The following DTNB variants were observed in gnomAD, a reference collection of about 807,000 sequenced individuals.
DTNB encodes DTN-B.
Under a neutral mutation model 90.7 loss-of-function variants are expected in DTNB, and 63 were observed. That is an observed-to-expected ratio of 0.69 (90% confidence interval 0.57 to 0.86). The LOEUF (loss-of-function observed/expected upper bound fraction) is 0.86, where lower values mean the gene tolerates loss of function less well. DTNB is among the 40% of genes least tolerant of loss of function. The pLI is 0.00. For missense variants in DTNB, 744 were observed against 807.1 expected, an observed-to-expected ratio of 0.92 and a Z score of 0.95; for synonymous variants, 277 against 286.7, an observed-to-expected ratio of 0.97 and a Z score of 0.34.
At chr2:25,383,925 C>A in intron 18 of DTNB, 36 bp from the exon 19 acceptor site, 1 of 1,613,954 alleles carries the variant, frequency 6.2e-7, no homozygotes, top group East Asian at 2.2e-5. Context: ...AGTGACCCTT[C>A]GGCACAGGAC....
At chr2:25,522,767 C>A (rs892577613) in intron 9 of DTNB, among the ~76,000 whole-genome samples, 2 of 147,442 alleles carry the variant, frequency 1.4e-5, no homozygotes, top group Admixed American at 1.4e-4. Context: ...GTGGTGCAAT[C>A]TCGGCTCGCT....
intron 19 of DTNB, among the ~76,000 whole-genome samples, chr2:25,382,772 G>A (rs1205575281): frequency 4.6e-5 from 7 of 151,864 alleles, no homozygotes; most frequent in African/African-American, 7.3e-5. Flanking sequence ...CAAGTGATCC[G>A]CCCGCCTCGG....
At chr2:25,500,571 T>A (rs1426032734) in intron 9 of DTNB, among the ~76,000 whole-genome samples, 3 of 152,114 alleles carry the variant, frequency 2.0e-5, no homozygotes, top group African/African-American at 7.2e-5. Context: ...TACCATTTCA[T>A]TAAAATGTGT....
intron 10 of DTNB, among the ~76,000 whole-genome samples, chr2:25,478,016 TTA>T (rs1440335111): frequency 4.5e-4 from 6 of 13,364 alleles, no homozygotes; most frequent in Admixed American, 1.3e-3. Flanking sequence ...AGTTTTTACT[TTA>T]AAAAAAAAAA....
At chr2:25,420,888 G>C (rs1445580041) in intron 15 of DTNB, among the ~76,000 whole-genome samples, 1 of 152,122 alleles carries the variant, frequency 6.6e-6, no homozygotes, top group Admixed American at 6.6e-5. Context: ...GCAGGAAAAA[G>C]GATAAAGAGA....
At chr2:25,385,461 G>A (rs1441002704) in intron 18 of DTNB, among the ~76,000 whole-genome samples, 1 of 152,210 alleles carries the variant, frequency 6.6e-6, no homozygotes, top group Admixed American at 6.5e-5. Flanking sequence ...TGCCATGTGT[G>A]GCTTTGGTCC....
chr2:25,662,681 A>AAAC (rs1574196413), intron 1 of DTNB, among the ~76,000 whole-genome samples: 1,089 of 104,500 alleles, frequency 0.01, 9 homozygotes, highest in East Asian at 0.014. Context: ...CACACACACA[A>AAAC]ACACACACAC....
At chr2:25,425,687 A>G (rs1252213189) in intron 15 of DTNB, among the ~76,000 whole-genome samples, 1 of 152,138 alleles carries the variant, frequency 6.6e-6, no homozygotes, top group Non-Finnish European at 1.5e-5. Context: ...ACACTTTGTG[A>G]TTTTCTCTGG....
intron 8 of DTNB, among the ~76,000 whole-genome samples, chr2:25,561,849 C>T (rs1250131382): frequency 6.6e-6 from 1 of 152,164 alleles, no homozygotes; most frequent in East Asian, 1.9e-4. Flanking sequence ...AATTTGTTTT[C>T]TTTATAAATT....
chr2:25,502,313 T>C (rs1468493625), intron 9 of DTNB, among the ~76,000 whole-genome samples: 2 of 152,146 alleles, frequency 1.3e-5, no homozygotes, highest in African/African-American at 4.8e-5. Context: ...CTGATTATAA[T>C]AGAGGAGCGA....
chr2:25,583,064 T>C (rs1477164814), intron 6 of DTNB, among the ~76,000 whole-genome samples: 2 of 151,882 alleles, frequency 1.3e-5, no homozygotes, highest in Non-Finnish European at 2.9e-5. Flanking sequence ...CTGGCCAACA[T>C]AGTGAAACCC....
At chr2:25,574,161 A>C (rs2060308262) in intron 8 of DTNB, among the ~76,000 whole-genome samples, 1 of 152,244 alleles carries the variant, frequency 6.6e-6, no homozygotes, top group Non-Finnish European at 1.5e-5. Context: ...CAAGAATAGG[A>C]AAAAAGTAAT....
intron 16 of DTNB, chr2:25,419,291 G>C (rs1041951877): frequency 1.6e-6 from 1 of 639,426 alleles, no homozygotes; most frequent in African/African-American, 1.8e-5. Context: ...CAACAGATGG[G>C]TACTTACAAG....
At chr2:25,662,653 C>T (rs1035955977) in intron 1 of DTNB, among the ~76,000 whole-genome samples, 2 of 89,124 alleles carry the variant, frequency 2.2e-5, no homozygotes, top group Admixed American at 1.3e-4. Flanking sequence ...TATACAAATA[C>T]ACACACACAC....
intron 2 of DTNB, among the ~76,000 whole-genome samples, chr2:25,640,671 G>C (rs913741799): frequency 2.0e-5 from 3 of 152,004 alleles, no homozygotes; most frequent in Non-Finnish European, 4.4e-5. Context: ...GTACTTTGGG[G>C]GGCTGAGGTA....
chr2:25,585,391 T>C (rs951445697), intron 6 of DTNB, among the ~76,000 whole-genome samples: 1 of 152,196 alleles, frequency 6.6e-6, no homozygotes, highest in South Asian at 2.1e-4. Flanking sequence ...CTGAGACTGC[T>C]TTTATCACTG....
intron 8 of DTNB, among the ~76,000 whole-genome samples, chr2:25,550,495 A>G (rs564706011): frequency 1.6e-4 from 24 of 152,350 alleles, no homozygotes; most frequent in Admixed American, 4.6e-4. Context: ...ATTCTTTTGA[A>G]GACCATCAGT....
intron 12 of DTNB, among the ~76,000 whole-genome samples, chr2:25,449,090 A>G (rs1057236816): frequency 4.6e-5 from 7 of 152,192 alleles, no homozygotes; most frequent in African/African-American, 1.7e-4. Flanking sequence ...TCACATAGAA[A>G]AAAACAGTAC....
intron 4 of DTNB, among the ~76,000 whole-genome samples, chr2:25,608,354 C>T (rs1022327980): frequency 1.3e-5 from 2 of 152,090 alleles, no homozygotes; most frequent in African/African-American, 4.8e-5. Flanking sequence ...AGCCTATACG[C>T]TAGAAAATTA....
Sources: gnomAD v4.1 joint callset for allele counts (sites outside exome capture counted in the v4.1 genomes callset) on GRCh38, gnomAD v4.1.1 for gene constraint, MANE v1.5 for transcripts, NCBI Gene and HGNC (gene_info 2026-07-23, HGNC 2026-07-21) for gene names.